SGCZ: variants seen among roughly 807,000 people sequenced by gnomAD.
SGCZ encodes sarcoglycan zeta.
In SGCZ, 40 loss-of-function variants were observed where a neutral mutation model predicts 41.3. The ratio of observed to expected loss-of-function variants is 0.97; its 90% CI spans 0.75 to 1.26. The LOEUF is 1.26. Ranked by LOEUF, SGCZ falls within the 50% of genes most tolerant of loss-of-function variation. The pLI, the probability that SGCZ is intolerant of heterozygous loss-of-function variation, is 0.00. For missense variants in SGCZ, 552 were observed against 369.8 expected (o/e 1.49, Z -4.04); for synonymous variants, 206 against 137.5 (o/e 1.50, Z -3.49).
intron 1 of SGCZ, among the ~76,000 whole-genome samples, chr8:14,934,120 T>C (rs948479115): frequency 6.6e-6 from 1 of 151,958 alleles, no homozygotes; most frequent in Non-Finnish European, 1.5e-5. Context: ...TACAAAAACA[T>C]ATCCTTTCTA....
At chr8:14,983,608 G>C (rs905061215) in intron 1 of SGCZ, among the ~76,000 whole-genome samples, 2 of 152,066 alleles carry the variant, frequency 1.3e-5, no homozygotes, top group East Asian at 3.9e-4. Flanking sequence ...GCCTCTCAAG[G>C]TGCTAGGATT....
chr8:14,177,439 A>C (rs1804576099), intron 4 of SGCZ, among the ~76,000 whole-genome samples: 1 of 152,220 alleles, frequency 6.6e-6, no homozygotes, highest in South Asian at 2.1e-4. Flanking sequence ...ATCAGCGCTC[A>C]AACGGTTAAC....
intron 1 of SGCZ, among the ~76,000 whole-genome samples, chr8:15,004,185 C>G (rs1645362099): frequency 6.6e-6 from 1 of 152,020 alleles, no homozygotes; most frequent in Non-Finnish European, 1.5e-5. Context: ...CTGTTAAGGA[C>G]GGCAAGAGGA....
At chr8:14,091,710 T>G (rs1801693806) in intron 7 of SGCZ, among the ~76,000 whole-genome samples, 2 of 152,288 alleles carry the variant, frequency 1.3e-5, no homozygotes, top group Admixed American at 6.5e-5. Flanking sequence ...TTTAAGTTCT[T>G]TGTAGGTTCT....
intron 1 of SGCZ, among the ~76,000 whole-genome samples, chr8:14,863,505 T>C (rs1428968382): frequency 1.3e-5 from 2 of 152,028 alleles, no homozygotes; most frequent in Non-Finnish European, 2.9e-5. Context: ...TAGTGAGGTT[T>C]CTAGCGCTTT....
At chr8:14,737,241 G>A (rs1399895140) in intron 1 of SGCZ, among the ~76,000 whole-genome samples, 1 of 150,704 alleles carries the variant, frequency 6.6e-6, no homozygotes, top group Non-Finnish European at 1.5e-5. Context: ...GGGTTTCTTA[G>A]TATCCTATAT....
chr8:15,015,726 CGT>C (rs60624490), intron 1 of SGCZ, among the ~76,000 whole-genome samples: 65,828 of 124,518 alleles, frequency 0.53, 18,455 homozygotes, highest in Non-Finnish European at 0.65. Flanking sequence ...GAAATATACA[CGT>C]GTGTGTGTGT....
intron 3 of SGCZ, among the ~76,000 whole-genome samples, chr8:14,292,632 A>AG (rs1354630000): frequency 2.0e-5 from 3 of 152,060 alleles, no homozygotes; most frequent in Non-Finnish European, 4.4e-5. Context: ...CTGGTAATGT[A>AG]GCGCATGTTG....
At chr8:14,555,190 G>A (rs994723273) in intron 1 of SGCZ, among the ~76,000 whole-genome samples, 2 of 151,964 alleles carry the variant, frequency 1.3e-5, no homozygotes, top group African/African-American at 4.8e-5. Context: ...CATTTCAACA[G>A]TAAGTTTTTC....
intron 1 of SGCZ, among the ~76,000 whole-genome samples, chr8:15,185,082 A>C (rs1362876770): frequency 6.6e-6 from 1 of 152,174 alleles, no homozygotes; most frequent in Non-Finnish European, 1.5e-5. Context: ...TGGATCTCAA[A>C]ATTTTGGAGC....
chr8:14,629,276 C>T (rs1182568181), intron 1 of SGCZ, among the ~76,000 whole-genome samples: 2 of 151,374 alleles, frequency 1.3e-5, no homozygotes, highest in Admixed American at 1.3e-4. Flanking sequence ...CAATAAATCA[C>T]TTAGCTTAAT....
chr8:14,809,147 G>T (rs911143912), intron 1 of SGCZ, among the ~76,000 whole-genome samples: 9 of 152,014 alleles, frequency 5.9e-5, no homozygotes, highest in Non-Finnish European at 1.3e-4. Flanking sequence ...AAGTTAGTGG[G>T]TGTAGCACAC....
At position 15,039,216 on chromosome 8, in the gene SGCZ, G is replaced by T. The variant is rs574745776; in HGVS notation, c.39+198369C>A. Among the ~76,000 whole-genome samples the T allele has an allele frequency of 7.9e-4, 120 of 152,158 alleles. 1 individual carries two copies. Among genetic ancestry groups the T allele is most frequent in the Admixed American group, 2.7e-3 (42 of 15,278 alleles). On this transcript the variant is annotated intron_variant, in intron 1 of 7. Coordinates refer to ENST00000382080, the MANE Select transcript of SGCZ (RefSeq NM_139167.4). ...GCATCATTCACAATAGCCAAGATAT[G>T]GAATCAGCCCAAAGTGTCAATTGAT... is the stretch of plus-strand genomic sequence containing the variant.
Position 14,087,188 on chromosome 8 carries a change from A to G in SGCZ, c.*3255T>C, listed in dbSNP as rs1468696352. Among the ~76,000 whole-genome samples, 1 of 151,624 alleles carries G rather than the reference A, an allele frequency of 6.6e-6. No individual in the cohort carries two copies. Among genetic ancestry groups the G allele is most frequent in the South Asian group, 2.1e-4 (1 of 4,820 alleles). ...ATATCATTCACAATAAAATATATAT[A>G]TTTTAGACATAAATGTGTGTATGTG... On this transcript the variant is annotated 3_prime_UTR_variant, in exon 8 of 8. Transcript: ENST00000382080.
At chr8:14,564,230 C>CA (rs1804290827) in intron 1 of SGCZ, among the ~76,000 whole-genome samples, 1 of 152,148 alleles carries the variant, frequency 6.6e-6, no homozygotes, top group Non-Finnish European at 1.5e-5. Context: ...ATCTGGATTC[C>CA]AAAACCTCTT....
chr8:14,382,414 A>G (rs1397768211), intron 2 of SGCZ, among the ~76,000 whole-genome samples: 2 of 151,380 alleles, frequency 1.3e-5, no homozygotes, highest in African/African-American at 4.9e-5. Context: ...CTAACAAAAA[A>G]ATTTAAAAAA....
intron 4 of SGCZ, among the ~76,000 whole-genome samples, chr8:14,234,101 A>T (rs1806670990): frequency 1.3e-5 from 2 of 152,062 alleles, no homozygotes; most frequent in African/African-American, 4.8e-5. Flanking sequence ...TAAAGCCTGG[A>T]ACTTCATCAA....
chr8:14,456,267 G>C (rs933296454), intron 2 of SGCZ, among the ~76,000 whole-genome samples: 1 of 152,086 alleles, frequency 6.6e-6, no homozygotes, highest in Non-Finnish European at 1.5e-5. Context: ...AATTAGCCGG[G>C]TGTGGTGGTG....
chr8:14,602,057 T>C (rs971483095), intron 1 of SGCZ, among the ~76,000 whole-genome samples: 2 of 151,944 alleles, frequency 1.3e-5, no homozygotes, highest in African/African-American at 4.8e-5. Flanking sequence ...GAGGCGGAGC[T>C]TGCAGTGAGC....
Sources: allele counts gnomAD v4.1 joint callset (sites outside exome capture counted in the v4.1 genomes callset), GRCh38; gene constraint gnomAD v4.1.1; transcripts MANE v1.5; gene names NCBI Gene and HGNC (gene_info 2026-07-23, HGNC 2026-07-21).